The following ACSF3 variants were observed in gnomAD, a reference collection of about 807,000 sequenced individuals.
ACSF3 encodes malonate--CoA ligase ACSF3, mitochondrial.
In ACSF3, 78 loss-of-function variants were observed where a neutral mutation model predicts 53.2. That is an observed-to-expected ratio of 1.47 (90% CI 1.22 to 1.77). ACSF3 has a LOEUF of 1.77. Among genes scored for constraint, ACSF3 ranks in the 40% most tolerant of loss-of-function variants. The pLI, the probability that ACSF3 is intolerant of heterozygous loss-of-function variation, is 0.00. For synonymous variants in ACSF3, 414 were observed against 333.1 expected, an observed-to-expected ratio of 1.24 and a Z score of -2.65; for missense variants, 937 against 771.1, an observed-to-expected ratio of 1.22 and a Z score of -2.55.
At chr16:89,121,159 A>G (rs1052462342) in intron 7 of ACSF3, among the ~76,000 whole-genome samples, 1 of 152,258 alleles carries the variant, frequency 6.6e-6, no homozygotes, top group African/African-American at 2.4e-5. Context: ...CGGAACGCCA[A>G]AGGGACTCAC....
At chr16:89,141,284 G>C (rs975354638) in intron 8 of ACSF3, 1 of 1,287,228 alleles carries the variant, frequency 7.8e-7, no homozygotes, top group Admixed American at 2.3e-5. Flanking sequence ...CGGGTGAGGC[G>C]GGCGCTGAGT....
At chr16:89,125,989 A>G (rs28684873) in intron 7 of ACSF3, among the ~76,000 whole-genome samples, 88 of 10,196 alleles carry the variant, frequency 8.6e-3, no homozygotes, top group African/African-American at 0.029. Flanking sequence ...AACACGGTAT[A>G]TCTCTCCATT....
chr16:89,110,069 G>A (rs181458301), intron 4 of ACSF3, among the ~76,000 whole-genome samples: 2 of 152,244 alleles, frequency 1.3e-5, no homozygotes, highest in East Asian at 3.9e-4. Context: ...ACTGCAGCTT[G>A]TCTTTTTATT....
rs866337370 is a variant in ACSF3 at position 89,155,805 on chromosome 16, A to G, written c.*1598A>G. On this transcript the variant is annotated 3_prime_UTR_variant, in exon 11 of 11. Transcript: ENST00000614302. ...CTCTCCTTTAATCCTGAAACTTTTGATTCCTAAAAAGCTTACATAATCATT... is the reference window on the plus strand; with the variant it reads ...CTCTCCTTTAATCCTGAAACTTTTGGTTCCTAAAAAGCTTACATAATCATT... 6.0e-5 allele frequency: 27 copies of G among 453,570 alleles called. No individual in the cohort carries two copies. Among genetic ancestry groups the G allele is most frequent in the Admixed American group, 2.8e-4 (12 of 42,458 alleles). 28.1% of individuals were successfully genotyped at this position (453,570 alleles called of 1,614,324 possible). A position where few individuals can be genotyped will look rare whatever the true frequency, so the allele number is the denominator to read the frequency against.
intron 7 of ACSF3, among the ~76,000 whole-genome samples, chr16:89,125,698 A>AAAAGAG (rs373857710): frequency 1.4e-5 from 2 of 147,894 alleles, no homozygotes; most frequent in Non-Finnish European, 1.5e-5. Context: ...CAAAAAAAAA[A>AAAAGAG]AGAGAGAGAG....
intron 8 of ACSF3, among the ~76,000 whole-genome samples, chr16:89,144,339 C>G (rs534253338): frequency 6.6e-6 from 1 of 152,258 alleles, no homozygotes; most frequent in African/African-American, 2.4e-5. Context: ...GGAAGGAAAA[C>G]GTGGGGCAGC....
At chr16:89,103,231 T>C (rs1040439281) in intron 4 of ACSF3, among the ~76,000 whole-genome samples, 1 of 152,272 alleles carries the variant, frequency 6.6e-6, no homozygotes, top group African/African-American at 2.4e-5. Flanking sequence ...CAGGCCCTGC[T>C]GCCCGCGAGC....
In ACSF3 at chr16:89,094,253, C is replaced by G. The variant is rs777933296; in HGVS notation, c.-194+257C>G. ...GTGCGGACGCCGGGCCCGGTGATAC[C>G]GTCGAGCCGGCGGGGTCCGTGTTCA... is the stretch of plus-strand genomic sequence containing the variant. On this transcript the variant is annotated intron_variant, in intron 1 of 10. Transcript: ENST00000614302. Among the ~76,000 whole-genome samples, 78 of 152,222 alleles carry G rather than the reference C, an allele frequency of 5.1e-4. 1 individual carries two copies. Among genetic ancestry groups the G allele is most frequent in the Non-Finnish European group, 8.7e-4 (59 of 67,968 alleles).
In ACSF3 at chr16:89,155,626, G is replaced by A. The variant is rs1324027669; in HGVS notation, c.*1419G>A. 2.2e-6 allele frequency: 1 copy of A among 454,058 alleles called. No individual in the cohort carries two copies. The highest frequency in any genetic ancestry group is 4.4e-6 in the Non-Finnish European group (1 of 226,730). 28.1% of individuals were successfully genotyped at this position (454,058 alleles called of 1,614,324 possible). On this transcript the variant is annotated 3_prime_UTR_variant, in exon 11 of 11. Coordinates refer to ENST00000614302, the MANE Select transcript of ACSF3 (RefSeq NM_001243279.3). Reference sequence around the variant, plus strand: ...GAAGGGGTCCCGCCCTCCCGCCAGAGGCCTGGACCCAAGGGAACGGCAGTC... The same window carrying A: ...GAAGGGGTCCCGCCCTCCCGCCAGAAGCCTGGACCCAAGGGAACGGCAGTC...
At chr16:89,098,536 T>C in intron 1 of ACSF3, 55 bp from the exon 2 acceptor site, 2 of 405,408 alleles carry the variant, frequency 4.9e-6, no homozygotes, top group South Asian at 3.5e-5. Context: ...GTGTTGTGCC[T>C]GTGGGAAGCG....
intron 4 of ACSF3, among the ~76,000 whole-genome samples, chr16:89,104,801 C>A (rs1975768879): frequency 6.6e-6 from 1 of 152,252 alleles, no homozygotes; most frequent in Non-Finnish European, 1.5e-5. Flanking sequence ...AGGGGCTCTT[C>A]TCTAGCCTCC....
chr16:89,109,671 C>T (rs1976455746), intron 4 of ACSF3, among the ~76,000 whole-genome samples: 1 of 152,156 alleles, frequency 6.6e-6, no homozygotes, highest in African/African-American at 2.4e-5. Context: ...CTCAGCCTCC[C>T]AAAATGCTGT....
At chr16:89,134,504 A>T (rs1910015923) in intron 8 of ACSF3, among the ~76,000 whole-genome samples, 1 of 152,218 alleles carries the variant, frequency 6.6e-6, no homozygotes, top group African/African-American at 2.4e-5. Context: ...AACGGCGGCA[A>T]GCAGCAGTGG....
At chr16:89,103,418 G>A (rs1302200101) in intron 4 of ACSF3, among the ~76,000 whole-genome samples, 1 of 152,244 alleles carries the variant, frequency 6.6e-6, no homozygotes, top group Non-Finnish European at 1.5e-5. Context: ...CAGCTCTGGA[G>A]GCCGCCTGTG....
At chr16:89,118,863 G>C (rs2151472102) in intron 6 of ACSF3, among the ~76,000 whole-genome samples, 1 of 152,308 alleles carries the variant, frequency 6.6e-6, no homozygotes, top group South Asian at 2.1e-4. Context: ...GGAAGGCAGT[G>C]CCCCCCACCT....
At chr16:89,108,961 G>A (rs540406116) in intron 4 of ACSF3, among the ~76,000 whole-genome samples, 38 of 152,158 alleles carry the variant, frequency 2.5e-4, no homozygotes, top group South Asian at 1.2e-3. Flanking sequence ...GGCCGGGCAC[G>A]GTGGCTCACA....
At chr16:89,120,177 A>G (rs1906283072) in intron 6 of ACSF3, among the ~76,000 whole-genome samples, 1 of 152,194 alleles carries the variant, frequency 6.6e-6, no homozygotes, top group Non-Finnish European at 1.5e-5. Context: ...CGGCCAGTGT[A>G]AGATATGATT....
chr16:89,135,950 T>G (rs1910367590), intron 8 of ACSF3, among the ~76,000 whole-genome samples: 3 of 152,248 alleles, frequency 2.0e-5, no homozygotes, highest in African/African-American at 7.2e-5. Context: ...AATTTTTGTA[T>G]TTTTAGTAAA....
intron 8 of ACSF3, among the ~76,000 whole-genome samples, chr16:89,138,530 G>A (rs986865841): frequency 3.3e-5 from 5 of 152,234 alleles, no homozygotes; most frequent in African/African-American, 1.2e-4. Flanking sequence ...GTGCCGAAAT[G>A]GCCATGCTTG....
Sources: gnomAD v4.1 joint callset for allele counts (sites outside exome capture counted in the v4.1 genomes callset) on GRCh38, gnomAD v4.1.1 for gene constraint, MANE v1.5 for transcripts, NCBI Gene and HGNC (gene_info 2026-07-23, HGNC 2026-07-21) for gene names.